Variants in BACE2 observed in about 807,000 individuals in gnomAD.
BACE2 encodes 56 kDa aspartic-like protease.
BACE2 carries 17 observed loss-of-function variants against 46.2 expected under a neutral mutation model. The ratio of observed to expected loss-of-function variants is 0.37; its 90% CI spans 0.25 to 0.55. The LOEUF (loss-of-function observed/expected upper bound fraction) is 0.55. BACE2 is among the 20% of genes least tolerant of loss of function. BACE2 has a pLI of 0.82. For missense variants in BACE2, 595 were observed against 698.1 expected (o/e 0.85, Z 1.66); for synonymous variants, 277 against 295.9 (o/e 0.94, Z 0.66).
At chr21:41,213,045 C>G (rs1601275098) in intron 1 of BACE2, among the ~76,000 whole-genome samples, 1 of 152,202 alleles carries the variant, frequency 6.6e-6, no homozygotes, top group Non-Finnish European at 1.5e-5. Flanking sequence ...AATTGGCATT[C>G]TCTCTGCTCC....
intron 2 of BACE2, chr21:41,230,226 G>A (rs1986934361): frequency 6.6e-6 from 1 of 152,164 alleles, no homozygotes; most frequent in South Asian, 2.1e-4. Context: ...CGTTTGAGGC[G>A]AGTTCTATTC....
chr21:41,197,502 T>C (rs898220417), intron 1 of BACE2, among the ~76,000 whole-genome samples: 1 of 152,136 alleles, frequency 6.6e-6, no homozygotes, highest in Non-Finnish European at 1.5e-5. Context: ...GGAGAGGTCT[T>C]CTGAGGATGA....
chr21:41,274,930 C>G (rs776607394), intron 8 of BACE2, among the ~76,000 whole-genome samples: 1 of 152,180 alleles, frequency 6.6e-6, no homozygotes, highest in South Asian at 2.1e-4. Context: ...TTCCCCATGA[C>G]GTAGGCAGGT....
At chr21:41,270,791 T>G (rs1482632622) in intron 8 of BACE2, among the ~76,000 whole-genome samples, 1 of 152,242 alleles carries the variant, frequency 6.6e-6, no homozygotes, top group Non-Finnish European at 1.5e-5. Context: ...TCTGCTATTA[T>G]GGGTGGATTA....
chr21:41,180,193 C>T, intron 1 of BACE2: 1 of 215,052 alleles, frequency 4.7e-6, no homozygotes, highest in Non-Finnish European at 1.0e-5. Context: ...GCTGCCAGAG[C>T]CATGGTGAAC....
chr21:41,203,925 G>A (rs1986045859), intron 1 of BACE2, among the ~76,000 whole-genome samples: 1 of 152,172 alleles, frequency 6.6e-6, no homozygotes, highest in South Asian at 2.1e-4. Context: ...TGTTTTTGGG[G>A]GGTGGTGGCC....
At chr21:41,222,403 C>T (rs952044765) in intron 1 of BACE2, among the ~76,000 whole-genome samples, 3 of 152,164 alleles carry the variant, frequency 2.0e-5, no homozygotes, top group Admixed American at 6.5e-5. Context: ...TGGAAGGGAG[C>T]GATGGGCCGT....
At chr21:41,172,864 G>A (rs964568049) in intron 1 of BACE2, among the ~76,000 whole-genome samples, 2 of 152,168 alleles carry the variant, frequency 1.3e-5, no homozygotes, top group African/African-American at 4.8e-5. Context: ...AAAGCAAGGC[G>A]ACAGCAGAAA....
chr21:41,178,975 G>T, intron 1 of BACE2: 1 of 709,674 alleles, frequency 1.4e-6, no homozygotes, highest in Non-Finnish European at 2.0e-6. Context: ...CTGAGGAGGT[G>T]CAATTTGAGA....
intron 3 of BACE2, 85 bp from the exon 4 acceptor site, chr21:41,241,734 C>T: frequency 6.7e-7 from 1 of 1,496,400 alleles, no homozygotes; most frequent in Non-Finnish European, 9.1e-7. Flanking sequence ...CCAGGAATGT[C>T]TGTGGCGCGT....
At chr21:41,237,441 G>A (rs773637654) in intron 2 of BACE2, 72 bp from the exon 3 acceptor site, 81 of 1,164,766 alleles carry the variant, frequency 7.0e-5, no homozygotes, top group African/African-American at 1.8e-4. Context: ...GCAAGACTCC[G>A]TCTCAAAAAT....
At chr21:41,200,026 C>T (rs1404489769) in intron 1 of BACE2, among the ~76,000 whole-genome samples, 8 of 131,978 alleles carry the variant, frequency 6.1e-5, no homozygotes, top group African/African-American at 2.3e-4. Flanking sequence ...ACATCACACA[C>T]CAGGGCCTGT....
chr21:41,180,230 A>G (rs754895894), intron 1 of BACE2: 20 of 194,250 alleles, frequency 1.0e-4, no homozygotes, highest in South Asian at 2.2e-4. Flanking sequence ...GGTGTGTCCT[A>G]TGGAAACTAG....
rs1402206608 is a variant in BACE2, at chr21:41,168,359, C to T, written c.96C>T (p.Pro32=). 7 of 1,392,958 alleles carry T rather than the reference C, an allele frequency of 5.0e-6. No homozygotes were observed. The highest frequency in any genetic ancestry group is 1.6e-5 in the South Asian group (1 of 61,538). 86.3% of individuals were successfully genotyped at this position (1,392,958 alleles called of 1,614,324 possible). A position where few individuals can be genotyped will look rare whatever the true frequency, so the allele number is the denominator to read the frequency against. The change falls in exon 1 of 9, where the codon CCC becomes CCT. Residue 32 remains proline (P), a synonymous_variant. Transcript: ENST00000330333. ...TGGCCCCCGCGCCCTTCACGCTGCC[C>T]CTCCGGGTGGCCGCGGCCACGAACC... ...PELAPAPFTL[P]LRVAAATNRV... is the part of the protein sequence containing the mutation.
intron 1 of BACE2, among the ~76,000 whole-genome samples, chr21:41,168,826 C>G (rs1416096051): frequency 2.0e-5 from 3 of 152,080 alleles, no homozygotes; most frequent in Non-Finnish European, 4.4e-5. Context: ...TGTGAGCTCC[C>G]CCTCCGCGGG....
chr21:41,225,827 C>T, intron 1 of BACE2: 1 of 161,526 alleles, frequency 6.2e-6, no homozygotes, highest in Admixed American at 5.9e-5. Flanking sequence ...CAGGAGGAGG[C>T]TGGGAGGCAT....
At chr21:41,266,752 C>G (rs1319918450) in intron 8 of BACE2, among the ~76,000 whole-genome samples, 2 of 152,262 alleles carry the variant, frequency 1.3e-5, no homozygotes, top group African/African-American at 4.8e-5. Context: ...CTCACCCCTC[C>G]TGGTCGTGGG....
chr21:41,238,319 C>A (rs987131766), intron 3 of BACE2, among the ~76,000 whole-genome samples: 2 of 152,218 alleles, frequency 1.3e-5, no homozygotes, highest in African/African-American at 4.8e-5. Context: ...AGAGCCTCCC[C>A]ACATGGGGAA....
At chr21:41,239,981 C>G (rs1987242231) in intron 3 of BACE2, among the ~76,000 whole-genome samples, 1 of 152,260 alleles carries the variant, frequency 6.6e-6, no homozygotes, top group South Asian at 2.1e-4. Context: ...TCTGTGAGAA[C>G]AGACCCCTTC....
Sources: gnomAD v4.1 joint callset for allele counts (sites outside exome capture counted in the v4.1 genomes callset) on GRCh38, gnomAD v4.1.1 for gene constraint, MANE v1.5 for transcripts, NCBI Gene and HGNC (gene_info 2026-07-23, HGNC 2026-07-21) for gene names.